Variants in LUZP1 observed in about 807,000 individuals in gnomAD.
The protein encoded by LUZP1 is leucine zipper protein 1.
In LUZP1, 25 loss-of-function variants were observed where a neutral mutation model predicts 71.3. That is an observed-to-expected ratio of 0.35 (90% CI 0.26 to 0.49). The LOEUF (loss-of-function observed/expected upper bound fraction) is 0.49. Among genes scored for constraint, LUZP1 ranks in the 20% least tolerant of loss-of-function variants. The probability of loss-of-function intolerance (pLI) is 0.99; values close to 1 mark genes in which losing one functional copy is unlikely to be tolerated. For missense variants in LUZP1, 1,142 were observed against 1,300.8 expected, an observed-to-expected ratio of 0.88 and a Z score of 1.88; for synonymous variants, 481 against 506.4, an observed-to-expected ratio of 0.95 and a Z score of 0.67.
intron 4 of LUZP1, chr1:23,090,438 GA>G (rs972278625): frequency 5.9e-6 from 1 of 170,576 alleles, no homozygotes; most frequent in African/African-American, 2.4e-5. Flanking sequence ...CCAGGTCCAA[GA>G]AGTTTTTCAT....
chr1:23,111,482 G>A (rs900837341), intron 2 of LUZP1, among the ~76,000 whole-genome samples: 2 of 152,032 alleles, frequency 1.3e-5, no homozygotes, highest in Admixed American at 1.3e-4. Flanking sequence ...ATCACCTGGA[G>A]CCCAGAAGTT....
At chr1:23,177,784 AGCC>A (rs1369923674) in exon 1 of LUZP1, 1 of 152,152 alleles carries the variant, frequency 6.6e-6, no homozygotes, top group Non-Finnish European at 1.5e-5. Flanking sequence ...GGGCCTGGGA[AGCC>A]GCCGGTGCCG....
intron 2 of LUZP1, among the ~76,000 whole-genome samples, chr1:23,110,981 C>T (rs767325790): frequency 4.6e-5 from 7 of 151,844 alleles, no homozygotes; most frequent in Non-Finnish European, 7.4e-5. Flanking sequence ...GGGCAGATCA[C>T]CTGAGGTCAG....
At chr1:23,088,686 G>A (rs1643804643) in exon 5 of LUZP1, 1 of 556,750 alleles carries the variant, frequency 1.8e-6, no homozygotes, top group Non-Finnish European at 3.1e-6. Flanking sequence ...ATTGGGGAAG[G>A]TTGGGCCTGG....
intron 2 of LUZP1, among the ~76,000 whole-genome samples, chr1:23,135,800 G>C (rs1644248927): frequency 1.3e-5 from 2 of 152,128 alleles, no homozygotes; most frequent in South Asian, 4.1e-4. Flanking sequence ...AATATATGTT[G>C]GTTTTACTTG....
In LUZP1 at chr1:23,111,815, A is replaced by C. The variant is rs571996755; in HGVS notation, c.-225-2688T>G. Among the ~76,000 whole-genome samples, 463 of 125,486 alleles carry C rather than the reference A, an allele frequency of 3.7e-3. 6 individuals are homozygous for C. Among genetic ancestry groups the C allele is most frequent in the African/African-American group, 0.012 (396 of 32,552 alleles). 82.3% of individuals were successfully genotyped at this position (125,486 alleles called of 152,430 possible). A position where few individuals can be genotyped will look rare whatever the true frequency, so the allele number is the denominator to read the frequency against. ...ACCCACACACAAACACCGCCCCCCC[A>C]CACACACACTCATCTTCTTCTGCAT... is the stretch of plus-strand genomic sequence containing the variant. On this transcript the variant is annotated intron_variant, in intron 2 of 4. Transcript: ENST00000302291.
intron 2 of LUZP1, among the ~76,000 whole-genome samples, chr1:23,156,101 C>A (rs1395873459): frequency 6.6e-6 from 1 of 152,164 alleles, no homozygotes; most frequent in Non-Finnish European, 1.5e-5. Flanking sequence ...ATAAAGCCGG[C>A]CAGGCACGGT....
intron 3 of LUZP1, among the ~76,000 whole-genome samples, chr1:23,096,718 ATC>A (rs1643894091): frequency 6.6e-6 from 1 of 152,288 alleles, no homozygotes; most frequent in Non-Finnish European, 1.5e-5. Flanking sequence ...CACGCCTGTA[ATC>A]CCAACATTTT....
intron 2 of LUZP1, among the ~76,000 whole-genome samples, chr1:23,139,019 AATATATATATAT>A (rs1225155907): frequency 2.7e-4 from 16 of 59,936 alleles, no homozygotes; most frequent in South Asian, 7.9e-4. Flanking sequence ...AAAAAAAAAA[AATATATATATAT>A]ATATATATAT....
At chr1:23,106,255 G>T (rs997268155) in intron 3 of LUZP1, among the ~76,000 whole-genome samples, 3 of 152,144 alleles carry the variant, frequency 2.0e-5, no homozygotes, top group African/African-American at 7.2e-5. Flanking sequence ...TCACTGTCAA[G>T]TTTCCAATGA....
chr1:23,131,000 C>G (rs1238594152), intron 2 of LUZP1, among the ~76,000 whole-genome samples: 1 of 151,868 alleles, frequency 6.6e-6, no homozygotes, highest in Non-Finnish European at 1.5e-5. Flanking sequence ...GGCAGATCAC[C>G]TGAGGTCAGG....
At chr1:23,173,508 C>T (rs753913603) in intron 1 of LUZP1, among the ~76,000 whole-genome samples, 1 of 151,824 alleles carries the variant, frequency 6.6e-6, no homozygotes, top group African/African-American at 2.4e-5. Flanking sequence ...TGCCTGCCAA[C>T]AAGCCCAGCT....
intron 2 of LUZP1, among the ~76,000 whole-genome samples, chr1:23,131,032 A>T (rs1644210935): frequency 6.6e-6 from 1 of 151,948 alleles, no homozygotes; most frequent in Non-Finnish European, 1.5e-5. Flanking sequence ...AGCCTGGGCC[A>T]ACATGGTGAA....
At chr1:23,142,683 TAA>T (rs1173509346) in intron 2 of LUZP1, among the ~76,000 whole-genome samples, 1 of 141,954 alleles carries the variant, frequency 7.0e-6, no homozygotes, top group Admixed American at 7.5e-5. Flanking sequence ...GGTGGGTGCA[TAA>T]AATATATATA....
At chr1:23,090,696 C>G in intron 4 of LUZP1, 1 of 610,934 alleles carries the variant, frequency 1.6e-6, no homozygotes, top group South Asian at 2.0e-5. Flanking sequence ...AGCCCCGGCT[C>G]TCCTCATCCC....
rs79598386 is a variant in LUZP1 at position 23,166,761 on chromosome 1, A to T, written c.-226+2005T>A. Among the ~76,000 whole-genome samples, 641 of 152,040 alleles carry T rather than the reference A, an allele frequency of 4.2e-3. 7 individuals carry two copies. The highest frequency in any genetic ancestry group is 0.015 in the African/African-American group (614 of 41,486). On this transcript the variant is annotated intron_variant, in intron 2 of 4. Transcript: ENST00000302291. ...CTAGCATAATTACTGGGTACAGAAT[A>T]GGCAACTCAACAACATTAGTTCCTT... is the stretch of plus-strand genomic sequence containing the variant.
chr1:23,131,831 G>A (rs568862737), intron 2 of LUZP1, among the ~76,000 whole-genome samples: 16 of 152,220 alleles, frequency 1.1e-4, no homozygotes, highest in African/African-American at 1.9e-4. Flanking sequence ...GATTACAGGC[G>A]CATGCCATCA....
At chr1:23,090,999 T>C (rs1381048241) in intron 4 of LUZP1, 191 bp downstream of exon 3, 3 of 728,902 alleles carry the variant, frequency 4.1e-6, no homozygotes, top group African/African-American at 1.7e-5. Flanking sequence ...TTTTGGAAAG[T>C]GATGCTGCCA....
intron 2 of LUZP1, among the ~76,000 whole-genome samples, chr1:23,131,604 T>G (rs968722253): frequency 2.6e-5 from 4 of 152,186 alleles, no homozygotes; most frequent in African/African-American, 7.2e-5. Context: ...AAAAACGAGT[T>G]TGTTTCCTCT....
Sources: allele counts gnomAD v4.1 joint callset (sites outside exome capture counted in the v4.1 genomes callset), GRCh38; gene constraint gnomAD v4.1.1; transcripts MANE v1.5; gene names NCBI Gene and HGNC (gene_info 2026-07-23, HGNC 2026-07-21).